ZNF804B: variants seen among roughly 807,000 people sequenced by gnomAD.
The protein encoded by ZNF804B is zinc finger 804B.
In ZNF804B, 80 loss-of-function variants were observed where a neutral mutation model predicts 101.4. The observed-to-expected ratio is 0.79, with a 90% CI of 0.66 to 0.95. The LOEUF (loss-of-function observed/expected upper bound fraction) is 0.95, where lower values mean the gene tolerates loss of function less well. Among genes scored for constraint, ZNF804B ranks in the 40% least tolerant of loss-of-function variants. The pLI is 0.00. For missense variants in ZNF804B, 1,673 were observed against 1,561.9 expected (o/e 1.07, Z -1.20); for synonymous variants, 622 against 558.8 (o/e 1.11, Z -1.59).
chr7:88,776,784 C>CA (rs1790148740), intron 1 of ZNF804B, among the ~76,000 whole-genome samples: 1 of 92,078 alleles, frequency 1.1e-5, no homozygotes, highest in Non-Finnish European at 2.1e-5. Context: ...CCATAAACCC[C>CA]CCCCCCCACC....
chr7:88,926,666 C>A (rs964762502), intron 1 of ZNF804B, among the ~76,000 whole-genome samples: 3 of 151,964 alleles, frequency 2.0e-5, no homozygotes, highest in Non-Finnish European at 4.4e-5. Flanking sequence ...ACCTGATATG[C>A]AAAGCCCCAT....
chr7:89,275,818 C>T (rs1789971612), intron 2 of ZNF804B, among the ~76,000 whole-genome samples: 1 of 151,582 alleles, frequency 6.6e-6, no homozygotes, highest in Admixed American at 6.6e-5. Context: ...TTTCTTTATC[C>T]CACTTATGAA....
chr7:89,022,384 C>T (rs894481534), intron 1 of ZNF804B, among the ~76,000 whole-genome samples: 1 of 152,178 alleles, frequency 6.6e-6, no homozygotes, highest in African/African-American at 2.4e-5. Flanking sequence ...CCAGTAAAAT[C>T]TGTAAACAAA....
chr7:89,167,294 T>A (rs1342870569), intron 1 of ZNF804B, among the ~76,000 whole-genome samples: 1 of 147,550 alleles, frequency 6.8e-6, no homozygotes, highest in Non-Finnish European at 1.5e-5. Context: ...AAAAAAAAAA[T>A]TAGCCGGGCG....
At chr7:89,281,650 A>G (rs2115871312) in intron 2 of ZNF804B, among the ~76,000 whole-genome samples, 1 of 152,346 alleles carries the variant, frequency 6.6e-6, no homozygotes, top group East Asian at 1.9e-4. Flanking sequence ...AAAAAGTGCC[A>G]TGGCAAGAAT....
intron 2 of ZNF804B, among the ~76,000 whole-genome samples, chr7:89,292,294 T>A (rs1249097267): frequency 6.6e-6 from 1 of 152,168 alleles, no homozygotes; most frequent in Non-Finnish European, 1.5e-5. Flanking sequence ...TACTCTCATC[T>A]TAAGTAGAAA....
At chr7:89,289,313 A>G (rs1249320392) in intron 2 of ZNF804B, among the ~76,000 whole-genome samples, 2 of 152,132 alleles carry the variant, frequency 1.3e-5, no homozygotes, top group Non-Finnish European at 2.9e-5. Context: ...CGTCTGCCCC[A>G]TAGGAACACC....
At chr7:89,311,835 T>C (rs986961675) in intron 2 of ZNF804B, among the ~76,000 whole-genome samples, 1 of 152,188 alleles carries the variant, frequency 6.6e-6, no homozygotes, top group Non-Finnish European at 1.5e-5. Flanking sequence ...TCTGATATAA[T>C]ATGGGTTACA....
intron 1 of ZNF804B, among the ~76,000 whole-genome samples, chr7:88,936,040 CCT>C (rs1169710731): frequency 6.6e-6 from 1 of 150,470 alleles, no homozygotes; most frequent in African/African-American, 2.4e-5. Flanking sequence ...CTCCCTCTTC[CCT>C]CTCTTTCTTC....
intron 2 of ZNF804B, among the ~76,000 whole-genome samples, chr7:89,271,753 T>C (rs925643963): frequency 6.6e-6 from 1 of 152,162 alleles, no homozygotes; most frequent in Admixed American, 6.6e-5. Flanking sequence ...CAGAGCCTGT[T>C]ACTGGTCTAT....
At chr7:88,969,477 C>T (rs1465130634) in intron 1 of ZNF804B, among the ~76,000 whole-genome samples, 4 of 151,624 alleles carry the variant, frequency 2.6e-5, no homozygotes, top group Non-Finnish European at 5.9e-5. Context: ...GACACTTAGG[C>T]TAATTTGACA....
At chr7:89,092,314 T>C (rs997879205) in intron 1 of ZNF804B, among the ~76,000 whole-genome samples, 5 of 151,802 alleles carry the variant, frequency 3.3e-5, no homozygotes, top group Admixed American at 2.6e-4. Flanking sequence ...TTTCAACATA[T>C]GAATTTTGGG....
rs548902642 is a variant in ZNF804B at position 88,869,732 on chromosome 7, C to T, written c.108+109648C>T. On this transcript the variant is annotated intron_variant, in intron 1 of 3. Transcript: ENST00000333190. ...GGGTATGTCTCAAAGATAAGGAACCCCTGGAGTTGCATGTTTAATCCAAAG... is the reference window on the plus strand; with the variant it reads ...GGGTATGTCTCAAAGATAAGGAACCTCTGGAGTTGCATGTTTAATCCAAAG... Among the ~76,000 whole-genome samples, 3 of 151,922 alleles carry T rather than the reference C, an allele frequency of 2.0e-5. No homozygotes were observed. In the East Asian group the frequency reaches 5.8e-4, roughly 29 times the overall value.
At chr7:89,028,162 A>G (rs143665190) in intron 1 of ZNF804B, among the ~76,000 whole-genome samples, 4 of 152,296 alleles carry the variant, frequency 2.6e-5, no homozygotes, top group African/African-American at 9.6e-5. Flanking sequence ...TAAAATGTCA[A>G]TATATAACAA....
At chr7:88,918,570 G>GA (rs1410489751) in intron 1 of ZNF804B, among the ~76,000 whole-genome samples, 1 of 152,046 alleles carries the variant, frequency 6.6e-6, no homozygotes, top group East Asian at 1.9e-4. Flanking sequence ...ACTCATAATG[G>GA]AAAATGAATT....
intron 1 of ZNF804B, among the ~76,000 whole-genome samples, chr7:89,067,080 G>T (rs1789465341): frequency 6.6e-6 from 1 of 152,062 alleles, no homozygotes; most frequent in Non-Finnish European, 1.5e-5. Context: ...GGTTACACTT[G>T]TATCAGTCAG....
At chr7:89,196,140 C>T (rs1235492417) in intron 1 of ZNF804B, among the ~76,000 whole-genome samples, 1 of 152,122 alleles carries the variant, frequency 6.6e-6, no homozygotes, top group Admixed American at 6.6e-5. Context: ...CACCACACCA[C>T]CTGACTTCAA....
At chr7:89,063,279 T>C (rs1354603356) in intron 1 of ZNF804B, among the ~76,000 whole-genome samples, 4 of 152,192 alleles carry the variant, frequency 2.6e-5, no homozygotes, top group Non-Finnish European at 5.9e-5. Context: ...GCATGTCTGA[T>C]GCTGTGCAAG....
rs569295919 is a variant in ZNF804B at position 89,300,964 on chromosome 7, C to A, written c.250-26380C>A. Among the ~76,000 whole-genome samples, 29 of 151,780 alleles carry A rather than the reference C, an allele frequency of 1.9e-4. No homozygotes were observed. The South Asian group carries it at 5.8e-3, about 30-fold the overall frequency. ...TAATGATGGCTTGGGTAGGTGTAAG[C>A]ATTGCACAGGGATAAAAGCTACTAA... On this transcript the variant is annotated intron_variant, in intron 2 of 3. Coordinates refer to ENST00000333190, the MANE Select transcript of ZNF804B (RefSeq NM_181646.5).
Sources: allele counts gnomAD v4.1 joint callset (sites outside exome capture counted in the v4.1 genomes callset), GRCh38; gene constraint gnomAD v4.1.1; transcripts MANE v1.5; gene names NCBI Gene and HGNC (gene_info 2026-07-23, HGNC 2026-07-21).